The following TRAPPC8 variants were observed in gnomAD, a reference collection of about 807,000 sequenced individuals.
TRAPPC8 encodes the protein trafficking protein particle complex subunit 8.
TRAPPC8 carries 54 observed loss-of-function variants against 174.3 expected under a neutral mutation model. The observed-to-expected ratio is 0.31, with a 90% CI of 0.25 to 0.39. TRAPPC8 has a LOEUF of 0.39. Ranked by LOEUF, TRAPPC8 falls within the 10% of genes least tolerant of loss-of-function variation. The probability of loss-of-function intolerance (pLI) is 1.00; values close to 1 mark genes in which losing one functional copy is unlikely to be tolerated. For synonymous variants in TRAPPC8, 630 were observed against 579.9 expected (o/e 1.09, Z -1.24); for missense variants, 1,531 against 1,699.1 (o/e 0.90, Z 1.74).
intron 1 of TRAPPC8, among the ~76,000 whole-genome samples, chr18:31,935,549 A>G (rs112706802): frequency 0.037 from 603 of 16,432 alleles, 62 homozygotes; most frequent in Middle Eastern, 0.045. Context: ...ACTCCATCTT[A>G]AAAAAAAAAA....
chr18:31,936,899 C>CT (rs1349140646), intron 1 of TRAPPC8, among the ~76,000 whole-genome samples: 25 of 61,002 alleles, frequency 4.1e-4, no homozygotes, highest in African/African-American at 1.6e-3. Flanking sequence ...AAGACTCCGT[C>CT]TTTAAAAAAA....
chr18:31,872,317 TAAA>T (rs1010642308), intron 14 of TRAPPC8, among the ~76,000 whole-genome samples: 2 of 151,970 alleles, frequency 1.3e-5, no homozygotes, highest in Admixed American at 6.6e-5. Context: ...ATCCTGCATT[TAAA>T]AAAAAGTCTT....
intron 19 of TRAPPC8, among the ~76,000 whole-genome samples, chr18:31,859,382 G>C (rs140456158): frequency 6.6e-6 from 1 of 152,186 alleles, no homozygotes; most frequent in African/African-American, 2.4e-5. Flanking sequence ...CCCGCACATA[G>C]ATTTAATAGG....
intron 27 of TRAPPC8, among the ~76,000 whole-genome samples, chr18:31,837,058 G>C (rs973581433): frequency 6.6e-6 from 1 of 151,932 alleles, no homozygotes; most frequent in Non-Finnish European, 1.5e-5. Context: ...CACCGCGCCC[G>C]GCCCATCCTT....
chr18:31,857,536 T>G lies in TRAPPC8; in HGVS notation c.3188+4A>C, dbSNP rs201270258. ...TTAAATTTTATAAGTTTTATAATAC[T>G]AACCGTATTTTTGGCTGCTTTTTGA... is the stretch of plus-strand genomic sequence containing the variant. On this transcript the variant is annotated splice_donor_region_variant and intron_variant, in intron 20 of 28. Coordinates refer to ENST00000283351, the MANE Select transcript of TRAPPC8 (RefSeq NM_014939.5). The G allele has an allele frequency of 2.2e-4, 350 of 1,577,992 alleles. 4 individuals carry two copies. The East Asian group carries it at 7.8e-3, about 35-fold the overall frequency.
At chr18:31,864,967 G>A (rs534436070) in intron 18 of TRAPPC8, among the ~76,000 whole-genome samples, 186 bp from the exon 19 acceptor site, 1 of 152,134 alleles carries the variant, frequency 6.6e-6, no homozygotes, top group Non-Finnish European at 1.5e-5. Flanking sequence ...ACTAAGGTAT[G>A]CTACTTAATT....
chr18:31,910,403 G>C (rs1325720908), intron 5 of TRAPPC8, among the ~76,000 whole-genome samples: 2 of 152,140 alleles, frequency 1.3e-5, no homozygotes, highest in Non-Finnish European at 2.9e-5. Flanking sequence ...AAAGTGACCA[G>C]GACAAGAAAG....
intron 12 of TRAPPC8, among the ~76,000 whole-genome samples, chr18:31,879,212 A>C (rs2035303275): frequency 6.6e-6 from 1 of 152,330 alleles, no homozygotes; most frequent in African/African-American, 2.4e-5. Context: ...TCTGAAGTTG[A>C]CCATATACTG....
In TRAPPC8 at chr18:31,847,090, TAAG is replaced by T. The variant is rs2033448402; in HGVS notation, c.3736-276_3736-274del. Among the ~76,000 whole-genome samples the T allele has an allele frequency of 2.6e-5, 4 of 152,346 alleles. No individual in the cohort carries two copies. The South Asian group carries it at 8.3e-4, about 32-fold the overall frequency. ...CCTTTCCAACATTCTTTAGAATTCT[TAAG>T]AAACTACTTTAAAAGAACTGTGCTA... is the stretch of plus-strand genomic sequence containing the variant. On this transcript the variant is annotated intron_variant, in intron 25 of 28. Coordinates refer to ENST00000283351, the MANE Select transcript of TRAPPC8 (RefSeq NM_014939.5).
In TRAPPC8 at chr18:31,893,400, T is replaced by C. The variant is rs1300376719; in HGVS notation, c.1597-2534A>G. On this transcript the variant is annotated intron_variant, in intron 11 of 28. Coordinates refer to ENST00000283351, the MANE Select transcript of TRAPPC8 (RefSeq NM_014939.5). ...TTCTAGGTGTGTGTGTGTGTGTGTG[T>C]GTGCGCGCGCGCGTGTGCCTGTGTG... is the stretch of plus-strand genomic sequence containing the variant. Among the ~76,000 whole-genome samples, 10 of 150,600 alleles carry C rather than the reference T, an allele frequency of 6.6e-5. No individual in the cohort carries two copies. In the South Asian group the frequency reaches 1.7e-3, roughly 25 times the overall value.
intron 4 of TRAPPC8, 53 bp from the exon 5 acceptor site, chr18:31,913,575 C>T (rs994646407): frequency 7.1e-7 from 1 of 1,403,794 alleles, no homozygotes; most frequent in South Asian, 1.4e-5. Flanking sequence ...AGGCCTTAGG[C>T]AATAATAGAG....
At chr18:31,887,796 A>C (rs1398089146) in intron 12 of TRAPPC8, among the ~76,000 whole-genome samples, 2 of 150,540 alleles carry the variant, frequency 1.3e-5, no homozygotes, top group African/African-American at 5.0e-5. Flanking sequence ...GCACAAGACA[A>C]GGATGCCCTC....
At position 31,857,987 on chromosome 18, in the gene TRAPPC8, ATTGGAGGG is replaced by A; in HGVS notation, c.2746-13_2746-6del. 1 of 1,571,594 alleles carries A rather than the reference ATTGGAGGG, an allele frequency of 6.4e-7. No homozygotes were observed. The highest frequency in any genetic ancestry group is 2.0e-5 in the Admixed American group (1 of 51,232). ...AGGAAAATGTATAAAGAACACCTGC[ATTGGAGGG>A]AAAAAATATTATTATTTGTCTGTTA... On this transcript the variant is annotated splice_region_variant and splice_polypyrimidine_tract_variant and intron_variant, in intron 19 of 28. Transcript: ENST00000283351.
At chr18:31,929,812 A>G (rs139622689) in intron 2 of TRAPPC8, among the ~76,000 whole-genome samples, 1 of 152,230 alleles carries the variant, frequency 6.6e-6, no homozygotes, top group African/African-American at 2.4e-5. Context: ...TGAGAGAAAA[A>G]TAACAGTTCA....
intron 17 of TRAPPC8, among the ~76,000 whole-genome samples, 158 bp from the exon 18 acceptor site, chr18:31,867,133 A>G (rs1386265550): frequency 6.6e-6 from 1 of 152,200 alleles, no homozygotes; most frequent in East Asian, 1.9e-4. Flanking sequence ...AAAATGTCTA[A>G]ATTTAACAAT....
intron 12 of TRAPPC8, among the ~76,000 whole-genome samples, chr18:31,888,467 T>C (rs1445761292): frequency 4.6e-5 from 7 of 152,178 alleles, no homozygotes; most frequent in African/African-American, 7.2e-5. Context: ...GGCACACATA[T>C]GTTCACTGCA....
At chr18:31,925,723 C>A (rs916258396) in intron 2 of TRAPPC8, among the ~76,000 whole-genome samples, 1 of 152,108 alleles carries the variant, frequency 6.6e-6, no homozygotes, top group Non-Finnish European at 1.5e-5. Flanking sequence ...GGGATGAAGA[C>A]CTTCAAAAAC....
Position 31,857,848 on chromosome 18 carries a change from G to A in TRAPPC8, c.2880C>T (p.Phe960=), listed in dbSNP as rs370047547. 8.1e-6 allele frequency: 13 copies of A among 1,614,034 alleles called. No homozygotes were observed. Among genetic ancestry groups the A allele is most frequent in the Admixed American group, 3.3e-5 (2 of 59,994 alleles). The change falls in exon 20 of 29, where the codon TTC becomes TTT. Residue 960 remains phenylalanine, a synonymous_variant. Transcript: ENST00000283351. The stretch of plus-strand genomic sequence containing the variant: ...GTGTTAGAACAGCAGTATTACCACC[G>A]AAAGTAAAGAACTCTGGACGTTTAG... The part of the protein sequence containing the change: ...VVSKRPEFFT[F]GGNTAVLTPL...
At chr18:31,911,284 A>G (rs1040973631) in intron 5 of TRAPPC8, among the ~76,000 whole-genome samples, 1 of 152,178 alleles carries the variant, frequency 6.6e-6, no homozygotes, top group Non-Finnish European at 1.5e-5. Context: ...TGGGAGGCTG[A>G]GGCGTGTGGA....
Sources: allele counts gnomAD v4.1 joint callset (sites outside exome capture counted in the v4.1 genomes callset), GRCh38; gene constraint gnomAD v4.1.1; transcripts MANE v1.5; gene names NCBI Gene and HGNC (gene_info 2026-07-23, HGNC 2026-07-21).